The following GRM7 variants were observed in gnomAD, a reference collection of about 807,000 sequenced individuals.
The protein encoded by GRM7 is metabotropic glutamate receptor 7.
In GRM7, 35 loss-of-function variants were observed where a neutral mutation model predicts 84.5. The ratio of observed to expected loss-of-function variants is 0.41; its 90% CI spans 0.32 to 0.55. The LOEUF is 0.55. Among genes scored for constraint, GRM7 ranks in the 20% least tolerant of loss-of-function variants. GRM7 has a pLI of 0.19. For synonymous variants in GRM7, 487 were observed against 455.1 expected, an observed-to-expected ratio of 1.07 and a Z score of -0.89; for missense variants, 1,003 against 1,194.6, an observed-to-expected ratio of 0.84 and a Z score of 2.36.
At chr3:7,069,186 C>G (rs916160980) in intron 1 of GRM7, among the ~76,000 whole-genome samples, 8 of 151,838 alleles carry the variant, frequency 5.3e-5, no homozygotes, top group African/African-American at 1.9e-4. Context: ...TAAGAGACAG[C>G]TATGAGGGGT....
intron 4 of GRM7, among the ~76,000 whole-genome samples, chr3:7,349,654 A>C (rs1693046457): frequency 6.6e-6 from 1 of 152,160 alleles, no homozygotes; most frequent in South Asian, 2.1e-4. Flanking sequence ...CGGGCTGGCC[A>C]AATCATTCTG....
chr3:6,951,669 T>A (rs1692770132), intron 1 of GRM7, among the ~76,000 whole-genome samples: 1 of 152,198 alleles, frequency 6.6e-6, no homozygotes, highest in Admixed American at 6.5e-5. Flanking sequence ...TGTTTTATGG[T>A]CCAGAACATG....
intron 7 of GRM7, among the ~76,000 whole-genome samples, chr3:7,532,803 CAA>C (rs36040168): frequency 5.7e-5 from 4 of 70,638 alleles, no homozygotes; most frequent in Admixed American, 1.9e-4. Context: ...AAAGGGAAAG[CAA>C]AAAAAAAAAA....
intron 1 of GRM7, among the ~76,000 whole-genome samples, chr3:7,027,476 AGC>A (rs2124921957): frequency 6.6e-6 from 1 of 152,082 alleles, no homozygotes; most frequent in South Asian, 2.1e-4. Flanking sequence ...ACATCCAACG[AGC>A]TTACTCATTT....
intron 4 of GRM7, among the ~76,000 whole-genome samples, chr3:7,375,288 G>T (rs948242858): frequency 1.4e-5 from 2 of 143,972 alleles, no homozygotes; most frequent in East Asian, 4.1e-4. Flanking sequence ...GTATGATCTC[G>T]GCTCACCGCA....
intron 1 of GRM7, among the ~76,000 whole-genome samples, chr3:7,114,479 AT>A (rs1373500913): frequency 6.6e-6 from 1 of 152,210 alleles, no homozygotes; most frequent in Non-Finnish European, 1.5e-5. Flanking sequence ...AAACAACAGA[AT>A]ACATTTTTTA....
chr3:7,058,131 T>G (rs763798208), intron 1 of GRM7, among the ~76,000 whole-genome samples: 3 of 151,912 alleles, frequency 2.0e-5, no homozygotes, highest in Non-Finnish European at 4.4e-5. Flanking sequence ...AGAAACAGAC[T>G]TTCGGCCTAT....
chr3:7,012,616 C>A (rs1462599836), intron 1 of GRM7, among the ~76,000 whole-genome samples: 3 of 152,072 alleles, frequency 2.0e-5, no homozygotes, highest in Non-Finnish European at 2.9e-5. Flanking sequence ...CCTGGAGGAC[C>A]ATAAGACTCT....
chr3:6,944,386 A>G (rs907416617), intron 1 of GRM7, among the ~76,000 whole-genome samples: 10 of 151,966 alleles, frequency 6.6e-5, no homozygotes, highest in Non-Finnish European at 1.3e-4. Flanking sequence ...TTTTATCAGG[A>G]ATGGATGTTG....
At position 7,040,003 on chromosome 3, in the gene GRM7, G is replaced by A. The variant is rs138699288; in HGVS notation, c.520-106449G>A. Among the ~76,000 whole-genome samples, 19 of 152,292 alleles carry A rather than the reference G, an allele frequency of 1.2e-4. 1 individual carries two copies. The highest frequency in any genetic ancestry group is 4.3e-4 in the African/African-American group (18 of 41,578). On this transcript the variant is annotated intron_variant, in intron 1 of 9. Coordinates refer to ENST00000357716, the MANE Select transcript of GRM7 (RefSeq NM_000844.4). ...CCTAGCAATTGCTTGGCAATTATCTGTTGGACAAATGGCCAGTATTTTTCT... is the reference window on the plus strand; with the variant it reads ...CCTAGCAATTGCTTGGCAATTATCTATTGGACAAATGGCCAGTATTTTTCT...
Position 7,407,070 on chromosome 3 carries a change from A to G in GRM7, c.1034-7953A>G, listed in dbSNP as rs529838970. On this transcript the variant is annotated intron_variant, in intron 4 of 9. Transcript: ENST00000357716. ...ACAATAAAAACCCAAGCCTGGAAGT[A>G]ATGTTGTAATACCTGTGAGGGACCA... Among the ~76,000 whole-genome samples, 120 of 152,310 alleles carry G rather than the reference A, an allele frequency of 7.9e-4. 1 individual carries two copies. Among genetic ancestry groups the G allele is most frequent in the African/African-American group, 2.3e-3 (96 of 41,566 alleles).
chr3:7,003,548 A>G (rs934338758), intron 1 of GRM7, among the ~76,000 whole-genome samples: 3 of 152,208 alleles, frequency 2.0e-5, no homozygotes, highest in African/African-American at 2.4e-5. Context: ...GCTGGTCTAC[A>G]TTATGACTTT....
chr3:7,403,201 T>C, intron 4 of GRM7: 2 of 444,612 alleles, frequency 4.5e-6, no homozygotes, highest in South Asian at 1.6e-5. Flanking sequence ...ATTTGCTGAA[T>C]TGATTAATAA....
At chr3:7,602,722 A>C (rs1696376448) in intron 8 of GRM7, among the ~76,000 whole-genome samples, 1 of 152,194 alleles carries the variant, frequency 6.6e-6, no homozygotes, top group Admixed American at 6.6e-5. Context: ...ATTTCAGAAG[A>C]AATTACCTTT....
In GRM7 at chr3:6,937,046, T is replaced by C. The variant is rs371487152; in HGVS notation, c.519+75139T>C. Among the ~76,000 whole-genome samples the C allele has an allele frequency of 4.8e-3, 735 of 152,324 alleles. 5 individuals carry two copies. The highest frequency in any genetic ancestry group is 0.017 in the South Asian group (82 of 4,824). On this transcript the variant is annotated intron_variant, in intron 1 of 9. Transcript: ENST00000357716. ...ATTTTGAACATATTATTTAGGGGTA[T>C]AATGTAACATCAGATAGAAGTATAA... is the stretch of plus-strand genomic sequence containing the variant.
At chr3:7,122,563 T>G (rs1338022685) in intron 1 of GRM7, among the ~76,000 whole-genome samples, 1 of 152,172 alleles carries the variant, frequency 6.6e-6, no homozygotes, top group East Asian at 1.9e-4. Flanking sequence ...AAACTGTAGC[T>G]TTTACCAGGT....
chr3:7,149,683 C>A (rs1694222626), intron 2 of GRM7, among the ~76,000 whole-genome samples: 1 of 152,088 alleles, frequency 6.6e-6, no homozygotes, highest in South Asian at 2.1e-4. Context: ...CCATCACTCT[C>A]TTATTTTAAC....
intron 1 of GRM7, among the ~76,000 whole-genome samples, chr3:7,076,918 G>A (rs1194910365): frequency 1.3e-5 from 2 of 152,090 alleles, no homozygotes; most frequent in African/African-American, 4.8e-5. Context: ...CGAAGGATAT[G>A]AATAGAAACT....
intron 2 of GRM7, among the ~76,000 whole-genome samples, chr3:7,262,376 A>AT (rs1698464924): frequency 6.6e-6 from 1 of 151,974 alleles, no homozygotes; most frequent in Non-Finnish European, 1.5e-5. Context: ...TTACTTCTTC[A>AT]GCTTGGTCTA....
Sources: allele counts gnomAD v4.1 joint callset (sites outside exome capture counted in the v4.1 genomes callset), GRCh38; gene constraint gnomAD v4.1.1; transcripts MANE v1.5; gene names NCBI Gene and HGNC (gene_info 2026-07-23, HGNC 2026-07-21).